Variants in TANC2 observed in about 807,000 individuals in gnomAD.
TANC2 encodes tetratricopeptide repeat, ankyrin repeat and coiled-coil containing 2.
In TANC2, 26 loss-of-function variants were observed where a neutral mutation model predicts 210.5. That is an observed-to-expected ratio of 0.12 (90% confidence interval 0.09 to 0.17). The LOEUF (loss-of-function observed/expected upper bound fraction) is 0.17, where lower values mean the gene tolerates loss of function less well. Among genes scored for constraint, TANC2 ranks in the 10% least tolerant of loss-of-function variants. The pLI, the probability that TANC2 is intolerant of heterozygous loss-of-function variation, is 1.00. For missense variants in TANC2, 2,129 were observed against 2,608.9 expected (o/e 0.82, Z 4.01); for synonymous variants, 931 against 967.1 (o/e 0.96, Z 0.69).
At chr17:63,027,504 TTTTG>T (rs1186878111) in intron 2 of TANC2, among the ~76,000 whole-genome samples, 57 of 152,156 alleles carry the variant, frequency 3.7e-4, no homozygotes, top group African/African-American at 1.3e-3. Flanking sequence ...ATATTTAGAT[TTTTG>T]TTTTCTTAGA....
At chr17:63,160,235 G>A (rs1322960378) in intron 5 of TANC2, among the ~76,000 whole-genome samples, 4 of 152,114 alleles carry the variant, frequency 2.6e-5, no homozygotes, top group Admixed American at 6.5e-5. Flanking sequence ...TCCATAATAC[G>A]TACTTTTAAA....
rs184847282 is a variant in TANC2 at position 63,149,656 on chromosome 17, C to T, written c.323-1614C>T. On this transcript the variant is annotated intron_variant, in intron 4 of 27. Coordinates refer to ENST00000689528, the Ensembl canonical transcript of TANC2. ...TACTAAGCAGTATTGAATAAATAAA[C>T]TGTTTCATTATTTTTAAATCTGTTG... is the stretch of plus-strand genomic sequence containing the variant. 144 of 151,876 alleles carry T rather than the reference C, an allele frequency of 9.5e-4. 1 individual carries two copies. Among genetic ancestry groups the T allele is most frequent in the African/African-American group, 2.9e-3 (120 of 41,438 alleles). 9.4% of individuals were successfully genotyped at this position (151,876 alleles called of 1,614,324 possible). A position where few individuals can be genotyped will look rare whatever the true frequency, so the allele number is the denominator to read the frequency against.
At chr17:63,250,317 T>A (rs866710728) in intron 8 of TANC2, among the ~76,000 whole-genome samples, 7 of 152,186 alleles carry the variant, frequency 4.6e-5, no homozygotes, top group African/African-American at 1.4e-4. Context: ...TATGAATGAA[T>A]GAATGAGGCA....
chr17:63,366,110 A>G (rs2047102770), intron 14 of TANC2, among the ~76,000 whole-genome samples: 2 of 152,054 alleles, frequency 1.3e-5, no homozygotes, highest in African/African-American at 4.8e-5. Flanking sequence ...AAGTGGTACT[A>G]ATTTTAAGCT....
intron 1 of TANC2, among the ~76,000 whole-genome samples, chr17:62,993,804 C>T (rs1035140391): frequency 3.9e-5 from 6 of 152,122 alleles, no homozygotes; most frequent in African/African-American, 1.4e-4. Flanking sequence ...TAGCATGTGC[C>T]TGTAGTCCCA....
chr17:63,237,792 C>A, intron 7 of TANC2, 22 bp from the exon 8 acceptor site: 1 of 1,525,614 alleles, frequency 6.6e-7, no homozygotes, highest in South Asian at 1.3e-5. Context: ...TTATTAAATT[C>A]ATTTTACTCT....
chr17:63,424,896 T>G (rs914134652), exon 28 of TANC2: 1 of 152,222 alleles, frequency 6.6e-6, no homozygotes, highest in Non-Finnish European at 1.5e-5. Flanking sequence ...TCAAAAAGAT[T>G]AAGAATTTTT....
intron 11 of TANC2, among the ~76,000 whole-genome samples, chr17:63,327,024 A>C (rs1235507593): frequency 6.6e-6 from 1 of 152,212 alleles, no homozygotes; most frequent in Non-Finnish European, 1.5e-5. Flanking sequence ...AACTCAGACA[A>C]TTCAATGGCA....
intron 1 of TANC2, among the ~76,000 whole-genome samples, chr17:62,976,645 A>G (rs917510624): frequency 2.0e-5 from 3 of 152,210 alleles, no homozygotes; most frequent in African/African-American, 7.2e-5. Flanking sequence ...AGGAATAAAT[A>G]GTAACTTCTC....
At chr17:63,306,346 T>C (rs1353188392) in intron 9 of TANC2, among the ~76,000 whole-genome samples, 3 of 152,200 alleles carry the variant, frequency 2.0e-5, no homozygotes, top group African/African-American at 7.2e-5. Flanking sequence ...GACACCCTGA[T>C]ATAATAACAA....
intron 5 of TANC2, among the ~76,000 whole-genome samples, chr17:63,183,799 C>T (rs1435849586): frequency 2.6e-5 from 4 of 152,106 alleles, no homozygotes; most frequent in Non-Finnish European, 5.9e-5. Context: ...GGGCGGATCA[C>T]GAGGTCAGGA....
chr17:63,171,232 A>G (rs2040396361), intron 5 of TANC2, among the ~76,000 whole-genome samples: 1 of 151,346 alleles, frequency 6.6e-6, no homozygotes, highest in African/African-American at 2.4e-5. Context: ...ACAGGCGCAC[A>G]CCACCACACC....
chr17:63,137,195 C>T (rs575435740), intron 4 of TANC2, among the ~76,000 whole-genome samples: 1 of 152,206 alleles, frequency 6.6e-6, no homozygotes, highest in East Asian at 1.9e-4. Flanking sequence ...AAACTAGCCT[C>T]AGAGTAAAAA....
At chr17:63,242,496 C>G (rs957841169) in intron 8 of TANC2, among the ~76,000 whole-genome samples, 3 of 151,962 alleles carry the variant, frequency 2.0e-5, no homozygotes, top group Non-Finnish European at 4.4e-5. Flanking sequence ...GGATGGCCAA[C>G]TAAAAGGGAC....
At chr17:63,308,872 A>T (rs550896768) in intron 9 of TANC2, among the ~76,000 whole-genome samples, 2 of 152,212 alleles carry the variant, frequency 1.3e-5, no homozygotes, top group Admixed American at 6.5e-5. Context: ...TAATATTCCT[A>T]TTGAAAAATT....
At chr17:63,072,725 C>T (rs1054986675) in intron 2 of TANC2, among the ~76,000 whole-genome samples, 2 of 151,806 alleles carry the variant, frequency 1.3e-5, no homozygotes, top group South Asian at 2.1e-4. Flanking sequence ...TTTGTATTGT[C>T]GTCGTATATT....
chr17:63,410,859 T>TAAAA (rs2048675842), intron 21 of TANC2, among the ~76,000 whole-genome samples: 1 of 22,158 alleles, frequency 4.5e-5, no homozygotes, highest in Non-Finnish European at 7.3e-5. Flanking sequence ...AGACTCCATC[T>TAAAA]CAAAAAAAAA....
chr17:62,972,867 C>A (rs1568286095), intron 1 of TANC2, among the ~76,000 whole-genome samples: 2 of 152,130 alleles, frequency 1.3e-5, no homozygotes, highest in Admixed American at 6.5e-5. Flanking sequence ...ATGGACTACT[C>A]CTGCCCTCTC....
chr17:63,190,412 A>G (rs1029232511), intron 5 of TANC2, among the ~76,000 whole-genome samples: 9 of 152,186 alleles, frequency 5.9e-5, no homozygotes, highest in Admixed American at 3.3e-4. Flanking sequence ...TCATTGGTCT[A>G]TTCTGATGCC....
Sources: allele counts gnomAD v4.1 joint callset (sites outside exome capture counted in the v4.1 genomes callset), GRCh38; gene constraint gnomAD v4.1.1; transcripts MANE v1.5; gene names NCBI Gene and HGNC (gene_info 2026-07-23, HGNC 2026-07-21).